Variants in SMARCA2 observed in about 807,000 individuals in gnomAD.
The protein encoded by SMARCA2 is SWI/SNF-related matrix-associated actin-dependent regulator of chromatin subfamily A member 2.
In SMARCA2, 61 loss-of-function variants were observed where a neutral mutation model predicts 199.8. The observed-to-expected ratio is 0.31, with a 90% CI of 0.25 to 0.38. The LOEUF is 0.38. Ranked by LOEUF, SMARCA2 falls within the 10% of genes least tolerant of loss-of-function variation. The pLI is 1.00. For synonymous variants in SMARCA2, 935 were observed against 732.0 expected (o/e 1.28, Z -4.48); for missense variants, 1,344 against 2,012.2 (o/e 0.67, Z 6.35).
chr9:2,190,119 G>A (rs998753828), intron 32 of SMARCA2, among the ~76,000 whole-genome samples: 4 of 152,106 alleles, frequency 2.6e-5, no homozygotes, highest in Admixed American at 1.3e-4. Flanking sequence ...TTGTTCTTTG[G>A]GATATGTACC....
intron 9 of SMARCA2, 113 bp downstream of exon 9, chr9:2,061,099 A>G (rs1820572112): frequency 9.6e-7 from 1 of 1,040,198 alleles, no homozygotes; most frequent in Non-Finnish European, 1.4e-6. Context: ...GGTTTAGATG[A>G]TTGAATTGTG....
intron 27 of SMARCA2, chr9:2,159,061 T>C: frequency 2.6e-6 from 4 of 1,523,270 alleles, no homozygotes; most frequent in Non-Finnish European, 3.6e-6. Context: ...TAATAAAAAT[T>C]GTTTCAGTTG....
rs1393315350 is a variant in SMARCA2, at chr9:2,182,188, G to T, written c.4407G>T (p.Lys1469Asn). ...HKYRSLGDLE[K>N]DVMLLCHNAQ... ...ACCGGAGCCTAGGCGACCTGGAGAAGGATGTCATGCTTCTCTGTCACAACG... is the reference window on the plus strand; with the variant it reads ...ACCGGAGCCTAGGCGACCTGGAGAATGATGTCATGCTTCTCTGTCACAACG... The change falls in exon 31 of 34, where the codon AAG (lysine) becomes AAT (asparagine). Residue 1469 changes from lysine to asparagine, a missense_variant. Around this residue, in one of 18 missense-constraint regions of SMARCA2, gnomAD observed 151 missense variants for 154.0 expected, o/e 0.98. Coordinates refer to ENST00000349721, the MANE Select transcript of SMARCA2 (RefSeq NM_003070.5). 1 of 1,613,892 alleles carries T rather than the reference G, an allele frequency of 6.2e-7. No individual in the cohort carries two copies. The highest frequency in any genetic ancestry group is 2.2e-5 in the East Asian group (1 of 44,872).
At chr9:2,103,853 G>C in intron 22 of SMARCA2, 150 bp from the exon 23 acceptor site, 1 of 617,018 alleles carries the variant, frequency 1.6e-6, no homozygotes, top group Non-Finnish European at 2.8e-6. Context: ...CATTGCTTTG[G>C]AGTTCATATT....
intron 19 of SMARCA2, among the ~76,000 whole-genome samples, chr9:2,094,833 T>A (rs142292560): frequency 1.3e-5 from 2 of 152,296 alleles, no homozygotes; most frequent in African/African-American, 2.4e-5. Context: ...ATATTAGTCC[T>A]TGATGTCATT....
chr9:2,118,895 A>G (rs1448820804), intron 25 of SMARCA2, among the ~76,000 whole-genome samples: 1 of 152,192 alleles, frequency 6.6e-6, no homozygotes, highest in African/African-American at 2.4e-5. Context: ...AATCATTAAC[A>G]ATAATACCCA....
intron 17 of SMARCA2, among the ~76,000 whole-genome samples, chr9:2,085,142 A>G (rs894672573): frequency 2.0e-5 from 3 of 152,302 alleles, no homozygotes; most frequent in Middle Eastern, 3.4e-3. Context: ...ATGTGTTCCC[A>G]GGGGAGGTTT....
chr9:2,078,544 A>G (rs936138271), intron 14 of SMARCA2, among the ~76,000 whole-genome samples: 1 of 151,996 alleles, frequency 6.6e-6, no homozygotes, highest in African/African-American at 2.4e-5. Flanking sequence ...GTTTTATTTG[A>G]CCTGTCTGGA....
intron 9 of SMARCA2, among the ~76,000 whole-genome samples, chr9:2,062,798 G>C (rs1208367227): frequency 6.6e-6 from 1 of 152,106 alleles, no homozygotes; most frequent in Admixed American, 6.5e-5. Context: ...AGTTTAATCA[G>C]AGAGAGAAAA....
chr9:2,187,497 C>T (rs1827552924), intron 32 of SMARCA2, among the ~76,000 whole-genome samples: 1 of 152,002 alleles, frequency 6.6e-6, no homozygotes, highest in South Asian at 2.1e-4. Context: ...CATAGCAAGA[C>T]CCTATCTCTA....
rs372318006 is a variant in SMARCA2, at chr9:2,104,061, T to C, written c.3184T>C (p.Leu1062=). 3.5e-5 allele frequency: 57 copies of C among 1,613,942 alleles called. No homozygotes were observed. The highest frequency in any genetic ancestry group is 4.3e-5 in the Non-Finnish European group (51 of 1,180,006). ...GCTGCTTGATCGTATTCTGCCAAAATTGAGAGCGACTAATCACCGAGTGCT... is the reference window on the plus strand; with the variant it reads ...GCTGCTTGATCGTATTCTGCCAAAACTGAGAGCGACTAATCACCGAGTGCT... ...FELLDRILPK[L]RATNHRVLLF... Residue 1062 remains leucine, a synonymous_variant, in exon 23 of 34, where the codon TTG becomes CTG. Coordinates refer to ENST00000349721, the MANE Select transcript of SMARCA2 (RefSeq NM_003070.5). The surrounding 1 kb of genome is among the most constrained non-coding windows in gnomAD (Gnocchi z 4.0).
intron 5 of SMARCA2, 113 bp from the exon 6 acceptor site, chr9:2,054,484 C>G (rs904143393): frequency 1.6e-6 from 2 of 1,271,592 alleles, no homozygotes; most frequent in Non-Finnish European, 2.2e-6. Context: ...CTATCAGTAT[C>G]TGGAATATGT....
intron 26 of SMARCA2, among the ~76,000 whole-genome samples, chr9:2,120,706 C>T (rs1029652606): frequency 2.0e-5 from 3 of 152,086 alleles, no homozygotes; most frequent in Non-Finnish European, 4.4e-5. Context: ...AATTTTCTTT[C>T]TCAGGAAAAT....
chr9:2,075,315 T>C (rs1328196947), intron 12 of SMARCA2: 1 of 152,318 alleles, frequency 6.6e-6, no homozygotes, highest in Non-Finnish European at 1.5e-5. Flanking sequence ...TTAAGAGTTA[T>C]GGAAAAGCAT....
chr9:2,093,338 A>G (rs1324692723), intron 19 of SMARCA2, among the ~76,000 whole-genome samples: 1 of 152,194 alleles, frequency 6.6e-6, no homozygotes, highest in Non-Finnish European at 1.5e-5. Flanking sequence ...TCTTTCTCTT[A>G]AAAAGTCTTC....
Position 2,115,776 on chromosome 9 carries a change from T to C in SMARCA2, c.3457-46T>C, listed in dbSNP as rs1190140095. The C allele has an allele frequency of 2.0e-6, 3 of 1,528,170 alleles. No individual in the cohort carries two copies. Among genetic ancestry groups the C allele is most frequent in the Non-Finnish European group, 1.8e-6 (2 of 1,108,150 alleles). The allele number at this position is 1,528,170 out of a possible 1,614,324, so 94.7% of individuals were successfully genotyped here. ...GGGGTGGGGTCCGGTTTTGGATGCCTATGCCAGGCATCTCAGTCCTCATAG... is the reference window on the plus strand; with the variant it reads ...GGGGTGGGGTCCGGTTTTGGATGCCCATGCCAGGCATCTCAGTCCTCATAG... On this transcript the variant is annotated intron_variant, in intron 24 of 33. Coordinates refer to ENST00000349721, the MANE Select transcript of SMARCA2 (RefSeq NM_003070.5). This position sits in a 1 kb window ranked among gnomAD's most constrained non-coding sequence, Gnocchi z 6.0.
Position 2,110,185 on chromosome 9 carries a change from T to A in SMARCA2, c.3293-69T>A. ...GTATATTTCTTGAAGGAAGCAAGCC[T>A]TTTTGTCTCATTCTGTGCCATTTTC... On this transcript the variant is annotated intron_variant, in intron 23 of 33. Coordinates refer to ENST00000349721, the MANE Select transcript of SMARCA2 (RefSeq NM_003070.5). The surrounding 1 kb of genome is among the most constrained non-coding windows in gnomAD (Gnocchi z 4.8). 1 of 1,306,900 alleles carries A rather than the reference T, an allele frequency of 7.7e-7. No individual in the cohort carries two copies. Among genetic ancestry groups the A allele is most frequent in the Non-Finnish European group, 1.1e-6 (1 of 947,910 alleles). 81.0% of individuals were successfully genotyped at this position (1,306,900 alleles called of 1,614,324 possible).
intron 27 of SMARCA2, among the ~76,000 whole-genome samples, chr9:2,150,130 G>A (rs1824987868): frequency 6.6e-6 from 1 of 151,416 alleles, no homozygotes; most frequent in African/African-American, 2.4e-5. Context: ...AACCTCCCTG[G>A]GAAGAGCTAG....
chr9:2,145,223 A>G (rs1248596434), intron 27 of SMARCA2, among the ~76,000 whole-genome samples: 1 of 151,824 alleles, frequency 6.6e-6, no homozygotes, highest in East Asian at 1.9e-4. Context: ...GAATCATCCA[A>G]ACTCGGGAGG....
Sources: gnomAD v4.1 joint callset for allele counts (sites outside exome capture counted in the v4.1 genomes callset) on GRCh38, gnomAD v4.1.1 for gene constraint, gnomAD v4.1.1 regional missense constraint, Gnocchi (gnomAD v3.1) non-coding constraint, MANE v1.5 for transcripts, NCBI Gene and HGNC (gene_info 2026-07-23, HGNC 2026-07-21) for gene names.